The following RAD51B variants were observed in gnomAD, a reference collection of about 807,000 sequenced individuals.
The protein encoded by RAD51B is DNA repair protein RAD51 homolog 2.
RAD51B carries 38 observed loss-of-function variants against 42.2 expected under a neutral mutation model. The observed-to-expected ratio is 0.90, with a 90% confidence interval of 0.70 to 1.18. The LOEUF is 1.18. Among genes scored for constraint, RAD51B ranks in the 50% most tolerant of loss-of-function variants. RAD51B has a pLI of 0.00. For synonymous variants in RAD51B, 154 were observed against 145.2 expected, an observed-to-expected ratio of 1.06 and a Z score of -0.43; for missense variants, 373 against 400.7, an observed-to-expected ratio of 0.93 and a Z score of 0.59.
At chr14:68,048,156 G>A (rs11623984) in intron 7 of RAD51B, among the ~76,000 whole-genome samples, 37,127 of 152,060 alleles carry the variant, frequency 0.24, 5,416 homozygotes, top group African/African-American at 0.41. Context: ...GGTTAAGATC[G>A]GCCCGCCTAA....
At chr14:67,861,326 T>G (rs1248552794) in intron 4 of RAD51B, among the ~76,000 whole-genome samples, 1 of 151,988 alleles carries the variant, frequency 6.6e-6, no homozygotes, top group Non-Finnish European at 1.5e-5. Flanking sequence ...GCAAAGACTG[T>G]AAAAGAATCA....
At chr14:67,922,283 T>C (rs2044351536) in intron 7 of RAD51B, among the ~76,000 whole-genome samples, 1 of 152,230 alleles carries the variant, frequency 6.6e-6, no homozygotes, top group South Asian at 2.1e-4. Flanking sequence ...CTGAACCTAA[T>C]TGTTGGTGTT....
chr14:68,443,742 T>C (rs1431537741), intron 9 of RAD51B, among the ~76,000 whole-genome samples: 2 of 152,186 alleles, frequency 1.3e-5, no homozygotes, highest in African/African-American at 2.4e-5. Flanking sequence ...CCCCAGCTTG[T>C]CCACCTTCAG....
chr14:68,253,991 C>G (rs1350963919), intron 7 of RAD51B, among the ~76,000 whole-genome samples: 1 of 152,142 alleles, frequency 6.6e-6, no homozygotes, highest in East Asian at 1.9e-4. Flanking sequence ...TCTATTTTGT[C>G]TGGATCTTAT....
intron 7 of RAD51B, among the ~76,000 whole-genome samples, chr14:68,131,760 C>T (rs1375961780): frequency 6.6e-6 from 1 of 152,056 alleles, no homozygotes; most frequent in Non-Finnish European, 1.5e-5. Context: ...GGTCAGACCA[C>T]CTTTTGTTTG....
At chr14:67,826,256 C>A (rs1179670842) in intron 3 of RAD51B, among the ~76,000 whole-genome samples, 2 of 152,054 alleles carry the variant, frequency 1.3e-5, no homozygotes, top group African/African-American at 4.8e-5. Flanking sequence ...TTACCATCAT[C>A]ACTTGCTCTA....
At chr14:68,220,509 A>G (rs975955651) in intron 7 of RAD51B, among the ~76,000 whole-genome samples, 5 of 152,218 alleles carry the variant, frequency 3.3e-5, no homozygotes, top group African/African-American at 1.2e-4. Context: ...AGCCAACATT[A>G]TACTGAACAG....
At chr14:67,915,076 CA>C (rs1248679869) in intron 7 of RAD51B, among the ~76,000 whole-genome samples, 2 of 152,234 alleles carry the variant, frequency 1.3e-5, no homozygotes, top group Non-Finnish European at 2.9e-5. Context: ...GGGACCATTA[CA>C]GGGGGAAGTT....
chr14:68,052,669 G>A (rs2076412374), intron 7 of RAD51B, among the ~76,000 whole-genome samples: 1 of 151,418 alleles, frequency 6.6e-6, no homozygotes, highest in Non-Finnish European at 1.5e-5. Flanking sequence ...TGCCCAGGCT[G>A]GAGTGCAATG....
intron 8 of RAD51B, among the ~76,000 whole-genome samples, chr14:68,343,901 C>A (rs573133873): frequency 5.9e-5 from 9 of 152,378 alleles, no homozygotes; most frequent in African/African-American, 2.2e-4. Flanking sequence ...AAGCTGTAAG[C>A]TTTAGTGGCT....
At chr14:68,235,427 G>T (rs537164052) in intron 7 of RAD51B, among the ~76,000 whole-genome samples, 5 of 151,766 alleles carry the variant, frequency 3.3e-5, no homozygotes, top group African/African-American at 1.2e-4. Context: ...ATCTTCGGCC[G>T]GGCGCGGTGG....
intron 7 of RAD51B, among the ~76,000 whole-genome samples, chr14:68,210,178 T>G (rs907970619): frequency 6.6e-6 from 1 of 152,138 alleles, no homozygotes; most frequent in African/African-American, 2.4e-5. Context: ...CAGGCTGGTC[T>G]CTAACTCCTG....
rs151095305 is a variant in RAD51B, at chr14:68,234,175, G to A, written c.757-57709G>A. Among the ~76,000 whole-genome samples the A allele has an allele frequency of 8.5e-5, 13 of 152,324 alleles. No homozygotes were observed. The East Asian group carries it at 2.3e-3, about 27-fold the overall frequency. On this transcript the variant is annotated intron_variant, in intron 7 of 10. Coordinates refer to ENST00000471583, the MANE Select transcript of RAD51B (RefSeq NM_133510.4). ...GTTGGATACAGGGGTGGGTGTTTGA[G>A]TGGGACCTCCAGTTAGGAACTCAGA...
intron 10 of RAD51B, among the ~76,000 whole-genome samples, chr14:68,559,826 A>AC (rs896133199): frequency 1.1e-4 from 17 of 152,124 alleles, no homozygotes; most frequent in African/African-American, 3.6e-4. Context: ...CCAGGACTGC[A>AC]CCCCGAGGAG....
chr14:67,878,903 G>A (rs184948671), intron 5 of RAD51B, among the ~76,000 whole-genome samples: 39 of 152,178 alleles, frequency 2.6e-4, no homozygotes, highest in East Asian at 3.9e-4. Flanking sequence ...AATTAAAGAC[G>A]GGGTTTCGCC....
At chr14:68,197,260 G>C (rs1422529512) in intron 7 of RAD51B, among the ~76,000 whole-genome samples, 1 of 152,114 alleles carries the variant, frequency 6.6e-6, no homozygotes, top group Non-Finnish European at 1.5e-5. Context: ...AGTTTTTCCT[G>C]TGCTTGAAAC....
chr14:68,318,049 G>A (rs766479972), intron 8 of RAD51B, among the ~76,000 whole-genome samples: 1 of 152,208 alleles, frequency 6.6e-6, no homozygotes, highest in Non-Finnish European at 1.5e-5. Context: ...TTACACCAAG[G>A]TGATGTGATT....
intron 10 of RAD51B, among the ~76,000 whole-genome samples, chr14:68,543,666 T>C (rs552388372): frequency 6.6e-6 from 1 of 152,342 alleles, no homozygotes; most frequent in South Asian, 2.1e-4. Context: ...TCCTGCCACA[T>C]TGTTTTGGCC....
At chr14:68,380,616 GA>G (rs764225686) in intron 8 of RAD51B, among the ~76,000 whole-genome samples, 179 of 152,136 alleles carry the variant, frequency 1.2e-3, no homozygotes, top group Admixed American at 3.3e-3. Flanking sequence ...GTCATCAGTG[GA>G]AAAAAATAAA....
Sources: gnomAD v4.1 joint callset for allele counts (sites outside exome capture counted in the v4.1 genomes callset) on GRCh38, gnomAD v4.1.1 for gene constraint, MANE v1.5 for transcripts, NCBI Gene and HGNC (gene_info 2026-07-23, HGNC 2026-07-21) for gene names.